The following GRID2 variants were observed in gnomAD, a reference collection of about 807,000 sequenced individuals.
GRID2 encodes the protein glutamate ionotropic receptor delta type subunit 2.
A neutral mutation model predicts 114.8 loss-of-function variants in GRID2; 33 were observed. The observed-to-expected ratio is 0.29, with a 90% CI of 0.22 to 0.38. The LOEUF (loss-of-function observed/expected upper bound fraction) is 0.38, where lower values mean the gene tolerates loss of function less well. GRID2 is among the 10% of genes least tolerant of loss of function. The pLI is 1.00. For missense variants in GRID2, 1,184 were observed against 1,257.7 expected (o/e 0.94, Z 0.89); for synonymous variants, 505 against 449.9 (o/e 1.12, Z -1.55).
intron 1 of GRID2, among the ~76,000 whole-genome samples, chr4:92,499,122 A>G (rs1466203218): frequency 1.3e-5 from 2 of 151,948 alleles, no homozygotes; most frequent in East Asian, 1.9e-4. Context: ...TATGTATACT[A>G]CCTGTTTTCT....
At chr4:92,857,774 G>A (rs985752870) in intron 2 of GRID2, among the ~76,000 whole-genome samples, 5 of 152,128 alleles carry the variant, frequency 3.3e-5, no homozygotes, top group Non-Finnish European at 7.4e-5. Context: ...ATGTAGATAG[G>A]ACAGCCTGAT....
rs116161760 is a variant in GRID2 at position 93,302,376 on chromosome 4, A to G, written c.1245+63886A>G. On this transcript the variant is annotated intron_variant, in intron 8 of 15. Transcript: ENST00000282020. ...ATTTTAAACCGTTTACTTGGAATAA[A>G]CTGTGGCTGAAAGCCCCATGGGCCG... Among the ~76,000 whole-genome samples the G allele has an allele frequency of 8.7e-3, 1,330 of 152,346 alleles. 17 individuals are homozygous for G. Among genetic ancestry groups the G allele is most frequent in the Non-Finnish European group, 0.014 (931 of 68,030 alleles).
chr4:92,796,898 C>T (rs1314469877), intron 2 of GRID2, among the ~76,000 whole-genome samples: 1 of 151,810 alleles, frequency 6.6e-6, no homozygotes, highest in Non-Finnish European at 1.5e-5. Flanking sequence ...CAATTCTGCA[C>T]CCATGTAAAA....
intron 4 of GRID2, among the ~76,000 whole-genome samples, chr4:93,149,481 C>T (rs1736549030): frequency 6.6e-6 from 1 of 151,248 alleles, no homozygotes; most frequent in South Asian, 2.1e-4. Flanking sequence ...GAGGCTGAAG[C>T]AGGAGAATTG....
chr4:92,340,525 G>A (rs1362391836), intron 1 of GRID2, among the ~76,000 whole-genome samples: 1 of 152,096 alleles, frequency 6.6e-6, no homozygotes, highest in African/African-American at 2.4e-5. Context: ...CTACCTGCTT[G>A]TTCATGGCTT....
At chr4:92,681,133 T>C (rs1365971549) in intron 2 of GRID2, among the ~76,000 whole-genome samples, 2 of 152,120 alleles carry the variant, frequency 1.3e-5, no homozygotes, top group East Asian at 1.9e-4. Flanking sequence ...TACATTAAGA[T>C]TGGTTGCAGC....
chr4:92,572,726 G>T (rs757364380), intron 1 of GRID2, among the ~76,000 whole-genome samples: 2 of 152,080 alleles, frequency 1.3e-5, no homozygotes, highest in African/African-American at 2.4e-5. Flanking sequence ...CGGTTTAGCA[G>T]TGTTTTGTTG....
At chr4:93,369,057 G>T (rs1042477332) in intron 8 of GRID2, among the ~76,000 whole-genome samples, 7 of 152,084 alleles carry the variant, frequency 4.6e-5, no homozygotes, top group Non-Finnish European at 8.8e-5. Context: ...AAACTGATTG[G>T]CTTAAAACAA....
intron 13 of GRID2, among the ~76,000 whole-genome samples, chr4:93,614,348 A>G (rs928442089): frequency 6.6e-6 from 1 of 152,132 alleles, no homozygotes; most frequent in Non-Finnish European, 1.5e-5. Context: ...CCTGAAAATT[A>G]TTATTTAGAG....
intron 13 of GRID2, among the ~76,000 whole-genome samples, chr4:93,590,539 C>T (rs1327901446): frequency 1.3e-5 from 2 of 151,718 alleles, no homozygotes; most frequent in Non-Finnish European, 2.9e-5. Flanking sequence ...GCGATGCGGG[C>T]TCTTTTTTGG....
At chr4:93,423,020 C>A (rs1447149128) in intron 10 of GRID2, 52 bp downstream of exon 10, 3 of 1,241,472 alleles carry the variant, frequency 2.4e-6, no homozygotes, top group South Asian at 2.5e-5. Flanking sequence ...AATTATTTGT[C>A]TCATACCTAA....
intron 1 of GRID2, among the ~76,000 whole-genome samples, chr4:92,321,056 A>T (rs895352684): frequency 2.0e-5 from 3 of 152,210 alleles, no homozygotes; most frequent in Non-Finnish European, 4.4e-5. Flanking sequence ...AATTAATAGA[A>T]TTACATAGAA....
At chr4:93,268,376 A>G (rs1327782296) in intron 8 of GRID2, among the ~76,000 whole-genome samples, 2 of 152,118 alleles carry the variant, frequency 1.3e-5, no homozygotes, top group Admixed American at 1.3e-4. Context: ...AACCCACCTC[A>G]TGACTTCATT....
intron 1 of GRID2, among the ~76,000 whole-genome samples, chr4:92,418,851 C>A (rs1217186729): frequency 6.6e-6 from 1 of 151,914 alleles, no homozygotes; most frequent in African/African-American, 2.4e-5. Context: ...AGAAGAGCTT[C>A]AAAAAATAAT....
At chr4:92,365,933 G>T (rs955577875) in intron 1 of GRID2, among the ~76,000 whole-genome samples, 2 of 151,918 alleles carry the variant, frequency 1.3e-5, no homozygotes, top group Non-Finnish European at 2.9e-5. Flanking sequence ...CCTCATCTGA[G>T]AAATGAGAAT....
intron 10 of GRID2, among the ~76,000 whole-genome samples, chr4:93,442,346 A>G (rs1338963884): frequency 6.6e-6 from 1 of 152,028 alleles, no homozygotes; most frequent in Non-Finnish European, 1.5e-5. Flanking sequence ...AAGTCTCTAC[A>G]TGACTGGAAA....
chr4:93,407,576 T>A (rs546903959), intron 9 of GRID2, among the ~76,000 whole-genome samples: 1 of 152,286 alleles, frequency 6.6e-6, no homozygotes, highest in Admixed American at 6.5e-5. Flanking sequence ...AAACTGAATA[T>A]GTGATCCTTG....
At chr4:93,131,145 A>ATTTTTT (rs34215461) in intron 4 of GRID2, among the ~76,000 whole-genome samples, 10 of 88,746 alleles carry the variant, frequency 1.1e-4, no homozygotes, top group African/African-American at 5.2e-4. Context: ...AGATTAAATA[A>ATTTTTT]TTTTTTTTTT....
At chr4:92,650,270 C>A (rs1731862226) in intron 2 of GRID2, among the ~76,000 whole-genome samples, 1 of 151,796 alleles carries the variant, frequency 6.6e-6, no homozygotes. Context: ...CTTCTACTAC[C>A]CATTTCATAT....
Sources: allele counts gnomAD v4.1 joint callset (sites outside exome capture counted in the v4.1 genomes callset), GRCh38; gene constraint gnomAD v4.1.1; transcripts MANE v1.5; gene names NCBI Gene and HGNC (gene_info 2026-07-23, HGNC 2026-07-21).